Variants in LINGO2 observed in about 807,000 individuals in gnomAD.
LINGO2 encodes the protein leucine-rich repeat and immunoglobulin-like domain-containing nogo receptor-interacting protein 2.
A neutral mutation model predicts 30.6 loss-of-function variants in LINGO2; 14 were observed. The observed-to-expected ratio is 0.46, with a 90% CI of 0.30 to 0.72. The LOEUF (loss-of-function observed/expected upper bound fraction) is 0.72. Among genes scored for constraint, LINGO2 ranks in the 30% least tolerant of loss-of-function variants. LINGO2 has a pLI of 0.07. For missense variants in LINGO2, 729 were observed against 751.7 expected, an observed-to-expected ratio of 0.97 and a Z score of 0.35; for synonymous variants, 317 against 288.5, an observed-to-expected ratio of 1.10 and a Z score of -1.00.
At chr9:28,987,506 CT>C in the LINGO2 span, among the ~76,000 whole-genome samples, 559 of 151,698 alleles carry the variant, frequency 3.7e-3, 2 homozygotes, top group African/African-American at 0.013. Context: ...GTTTATTGAC[CT>C]TTTGTATTAT....
chr9:28,173,461 A>T (rs1323646835), intron 4 of LINGO2, among the ~76,000 whole-genome samples: 1 of 152,206 alleles, frequency 6.6e-6, no homozygotes, highest in African/African-American at 2.4e-5. Flanking sequence ...CTTTTTATTG[A>T]GTCTTTAAGG....
the LINGO2 span, among the ~76,000 whole-genome samples, chr9:28,861,225 TAAA>T: frequency 4.4e-4 from 50 of 113,834 alleles, no homozygotes; most frequent in African/African-American, 1.6e-3. Context: ...TAATATTATA[TAAA>T]TATATAATAT....
chr9:28,400,134 C>T (rs553225049), intron 2 of LINGO2, among the ~76,000 whole-genome samples: 4 of 152,228 alleles, frequency 2.6e-5, no homozygotes, highest in African/African-American at 9.6e-5. Flanking sequence ...TCTATTGTGA[C>T]CCTTTGGCAC....
chr9:28,434,839 G>T (rs186500333), intron 2 of LINGO2, among the ~76,000 whole-genome samples: 1 of 152,016 alleles, frequency 6.6e-6, no homozygotes, highest in African/African-American at 2.4e-5. Context: ...AAGGTTTATT[G>T]ACTATTTTCA....
the LINGO2 span, among the ~76,000 whole-genome samples, chr9:29,178,279 C>G: frequency 6.6e-6 from 1 of 152,026 alleles, no homozygotes; most frequent in African/African-American, 2.4e-5. Flanking sequence ...TGGCCTCGAA[C>G]TCCTGACCTC....
At chr9:28,683,889 C>T in the LINGO2 span, among the ~76,000 whole-genome samples, 2 of 152,052 alleles carry the variant, frequency 1.3e-5, no homozygotes, top group Non-Finnish European at 2.9e-5. Context: ...CTCTCTTTCC[C>T]GCATTGTAGC....
chr9:28,282,531 T>C lies in LINGO2; in HGVS notation c.-87+12677A>G, dbSNP rs556853755. On this transcript the variant is annotated intron_variant, in intron 4 of 5. Coordinates refer to ENST00000379992, the Ensembl canonical transcript of LINGO2. The stretch of plus-strand genomic sequence containing the variant: ...CCCTTTCTGCTAGTGAAGTATGTTT[T>C]CATTCTGCTGCAAGTTCATGCCAGG... Among the ~76,000 whole-genome samples, 6 of 152,202 alleles carry C rather than the reference T, an allele frequency of 3.9e-5. No homozygotes were observed. The East Asian group carries it at 7.7e-4, about 20-fold the overall frequency.
chr9:28,626,010 C>CA (rs143873307), intron 1 of LINGO2, among the ~76,000 whole-genome samples: 100 of 151,626 alleles, frequency 6.6e-4, no homozygotes, highest in Non-Finnish European at 1.3e-3. Flanking sequence ...CAAAACAAAA[C>CA]AAAAAAAACT....
chr9:28,897,401 G>A, the LINGO2 span, among the ~76,000 whole-genome samples: 4 of 152,078 alleles, frequency 2.6e-5, no homozygotes, highest in Non-Finnish European at 5.9e-5. Flanking sequence ...CAGCCCTCTT[G>A]CTGGTACCAT....
intron 3 of LINGO2, among the ~76,000 whole-genome samples, chr9:28,316,908 A>ATT (rs1270491202): frequency 6.6e-6 from 1 of 152,094 alleles, no homozygotes; most frequent in Non-Finnish European, 1.5e-5. Flanking sequence ...CTCAATCTCC[A>ATT]TTTTGTTTCC....
At chr9:28,013,028 TGTTGTTGGTCTAGG>T (rs1466292075) in intron 4 of LINGO2, among the ~76,000 whole-genome samples, 2 of 151,990 alleles carry the variant, frequency 1.3e-5, no homozygotes, top group Non-Finnish European at 2.9e-5. Context: ...GTAATATTGA[TGTTGTTGGTCTAGG>T]GTTAGCATGT....
At chr9:28,351,320 C>T (rs1426498723) in intron 3 of LINGO2, among the ~76,000 whole-genome samples, 1 of 143,348 alleles carries the variant, frequency 7.0e-6, no homozygotes, top group African/African-American at 2.6e-5. Context: ...AAGGGGATAT[C>T]ACCACCGATC....
chr9:28,576,900 T>C (rs1157101091), intron 1 of LINGO2, among the ~76,000 whole-genome samples: 1 of 152,188 alleles, frequency 6.6e-6, no homozygotes, highest in African/African-American at 2.4e-5. Flanking sequence ...CCATGACTTC[T>C]TCTAATATTT....
chr9:28,406,908 T>C (rs1057514399), intron 2 of LINGO2, among the ~76,000 whole-genome samples: 2 of 152,164 alleles, frequency 1.3e-5, no homozygotes, highest in Non-Finnish European at 2.9e-5. Flanking sequence ...TTAGAGTTCA[T>C]GATGATTCTA....
the LINGO2 span, among the ~76,000 whole-genome samples, chr9:29,201,645 C>CTTTTCTGTATGAGTTCTGTATGAGAGG: frequency 3.9e-5 from 6 of 152,014 alleles, no homozygotes; most frequent in South Asian, 1.0e-3. Flanking sequence ...ATTGGCTTTA[C>CTTTTCTGTATGAGTTCTGTATGAGAGG]TTTTCTGTAC....
chr9:28,397,033 G>C (rs1387905686), intron 2 of LINGO2, among the ~76,000 whole-genome samples: 1 of 152,046 alleles, frequency 6.6e-6, no homozygotes, highest in African/African-American at 2.4e-5. Flanking sequence ...TATGTAAAAA[G>C]ATGATGCCCT....
chr9:28,656,394 A>G (rs537738611), intron 1 of LINGO2, among the ~76,000 whole-genome samples: 1 of 152,230 alleles, frequency 6.6e-6, no homozygotes, highest in Admixed American at 6.6e-5. Flanking sequence ...AATCAACTTA[A>G]CCAAATGATT....
chr9:28,507,240 T>TGTGTGTGTGTGTGTGC (rs5897306), intron 1 of LINGO2, among the ~76,000 whole-genome samples: 7 of 149,886 alleles, frequency 4.7e-5, no homozygotes, highest in African/African-American at 1.5e-4. Context: ...TGTGTGTGCG[T>TGTGTGTGTGTGTGTGC]GCGTGCGCAC....
intron 4 of LINGO2, among the ~76,000 whole-genome samples, chr9:28,070,076 C>G (rs998073404): frequency 1.3e-5 from 2 of 152,152 alleles, no homozygotes; most frequent in African/African-American, 2.4e-5. Context: ...AGCGCTCTGA[C>G]CAGGTTTCGC....
Sources: allele counts gnomAD v4.1 joint callset (sites outside exome capture counted in the v4.1 genomes callset), GRCh38; gene constraint gnomAD v4.1.1; transcripts MANE v1.5; gene names NCBI Gene and HGNC (gene_info 2026-07-23, HGNC 2026-07-21).